Variants in ATP12A observed in about 807,000 individuals in gnomAD.
ATP12A encodes the protein potassium-transporting ATPase alpha chain 2.
A neutral mutation model predicts 111.2 loss-of-function variants in ATP12A; 81 were observed. The ratio of observed to expected loss-of-function variants is 0.73; its 90% CI spans 0.61 to 0.88. The LOEUF is 0.88. Among genes scored for constraint, ATP12A ranks in the 40% least tolerant of loss-of-function variants. ATP12A has a pLI of 0.00. For missense variants in ATP12A, 1,196 were observed against 1,313.1 expected, an observed-to-expected ratio of 0.91 and a Z score of 1.38; for synonymous variants, 498 against 499.8, an observed-to-expected ratio of 1.00 and a Z score of 0.05.
chr13:24,687,936 C>T (rs552912913), intron 3 of ATP12A, among the ~76,000 whole-genome samples: 1 of 152,158 alleles, frequency 6.6e-6, no homozygotes, highest in African/African-American at 2.4e-5. Flanking sequence ...TGGCTCTGGA[C>T]CCAGTCACCA....
chr13:24,707,530 G>A, intron 17 of ATP12A, 97 bp downstream of exon 17: 3 of 1,495,898 alleles, frequency 2.0e-6, no homozygotes, highest in Non-Finnish European at 2.7e-6. Context: ...ACTAACTCAA[G>A]GCTTCTCAGC....
chr13:24,708,933 G>GAAAGAA, intron 17 of ATP12A, among the ~76,000 whole-genome samples: 1 of 141,326 alleles, frequency 7.1e-6, no homozygotes, highest in South Asian at 2.3e-4. Context: ...AAGAAAGAAA[G>GAAAGAA]AAAGAAAGAA....
chr13:24,697,660 T>G (rs1342684483), intron 11 of ATP12A, among the ~76,000 whole-genome samples: 1 of 144,134 alleles, frequency 6.9e-6, no homozygotes, highest in African/African-American at 2.6e-5. Context: ...AAAAAAAAAT[T>G]TAAGAGAGAA....
At chr13:24,706,548 G>T (rs1221678482) in intron 15 of ATP12A, 85 bp downstream of exon 15, 2 of 1,520,568 alleles carry the variant, frequency 1.3e-6, no homozygotes, top group Non-Finnish European at 1.8e-6. Context: ...ACATCAGGCT[G>T]TGGTGCCTTT....
In ATP12A at chr13:24,682,400, T is replaced by TGTGCGC. The variant is rs1491158117; in HGVS notation, c.168+680_168+681insGTGCGC. 3.5e-4 allele frequency among the ~76,000 whole-genome samples: 53 copies of TGTGCGC among 149,926 alleles called. 6 individuals carry two copies. Among genetic ancestry groups the TGTGCGC allele is most frequent in the African/African-American group, 5.7e-4 (23 of 40,652 alleles). ...GTGTGTGTGTGGTGTGTGGTGTGTGTATGTGTGTGTGTGTGTTTTGAATGG... is the reference window on the plus strand; with the variant it reads ...GTGTGTGTGTGGTGTGTGGTGTGTGTGTGCGCATGTGTGTGTGTGTGTTTTGAATGG... On this transcript the variant is annotated intron_variant, in intron 2 of 22. Coordinates refer to ENST00000381946, the MANE Select transcript of ATP12A (RefSeq NM_001676.7).
intron 8 of ATP12A, among the ~76,000 whole-genome samples, chr13:24,691,826 A>G (rs980887530): frequency 2.6e-5 from 4 of 152,180 alleles, no homozygotes; most frequent in African/African-American, 9.7e-5. Flanking sequence ...TTTTGTGACT[A>G]CATGATCATT....
Position 24,707,444 on chromosome 13 carries a change from C to G in ATP12A, c.2493+11C>G, listed in dbSNP as rs746131899. ...TTGGGGACAGACATTGTAAGTGACA[C>G]TGAAGGGAACAGGCTGTGATGCCTG... On this transcript the variant is annotated intron_variant, in intron 17 of 22. Coordinates refer to ENST00000381946, the MANE Select transcript of ATP12A (RefSeq NM_001676.7). 6 of 1,614,126 alleles carry G rather than the reference C, an allele frequency of 3.7e-6. No homozygotes were observed. Among genetic ancestry groups the G allele is most frequent in the Non-Finnish European group, 2.5e-6 (3 of 1,180,002 alleles).
Position 24,698,726 on chromosome 13 carries a change from G to A in ATP12A, c.1581G>A (p.Glu527=), listed in dbSNP as rs1875271746. The A allele has an allele frequency of 1.9e-6, 3 of 1,613,964 alleles. No homozygotes were observed. Among genetic ancestry groups the A allele is most frequent in the South Asian group, 2.2e-5 (2 of 91,084 alleles). Residue 527 remains glutamate, a synonymous_variant, in exon 12 of 23, where the codon GAG becomes GAA. Coordinates refer to ENST00000381946, the MANE Select transcript of ATP12A (RefSeq NM_001676.7). ...TCATGGTGATGAAGGGGGCCCCTGA[G>A]CGCATCCTAGAGAAATGCAGCACCA... is the stretch of plus-strand genomic sequence containing the variant. The part of the protein sequence containing the change: ...RFLMVMKGAP[E]RILEKCSTIM...
Position 24,692,908 on chromosome 13 carries a change from G to A in ATP12A, c.1377+12G>A, listed in dbSNP as rs536811573. On this transcript the variant is annotated intron_variant, in intron 10 of 22. Transcript: ENST00000381946. ...TCCCCATCATGAAGGTAATGCTTCTGCAGCACTTGGTCTTAAATCACAGCC... is the reference window on the plus strand; with the variant it reads ...TCCCCATCATGAAGGTAATGCTTCTACAGCACTTGGTCTTAAATCACAGCC... The A allele has an allele frequency of 3.1e-6, 5 of 1,609,114 alleles. No individual in the cohort carries two copies. The African/African-American group carries it at 6.7e-5, about 21-fold the overall frequency.
At chr13:24,693,452 T>A (rs1349059197) in intron 10 of ATP12A, among the ~76,000 whole-genome samples, 5 of 152,196 alleles carry the variant, frequency 3.3e-5, no homozygotes, top group African/African-American at 1.2e-4. Context: ...CTCTTTTTCT[T>A]TCTTATTTTT....
Position 24,680,600 on chromosome 13 carries a change from C to A in ATP12A, c.-144C>A, listed in dbSNP as rs1874391764. 6 of 976,546 alleles carry A rather than the reference C, an allele frequency of 6.1e-6. No individual in the cohort carries two copies. The highest frequency in any genetic ancestry group is 4.4e-6 in the Non-Finnish European group (3 of 688,554). The allele number at this position is 976,546 out of a possible 1,614,324, so 60.5% of individuals were successfully genotyped here. A position where few individuals can be genotyped will look rare whatever the true frequency, so the allele number is the denominator to read the frequency against. On this transcript the variant is annotated 5_prime_UTR_variant, in exon 1 of 23. Transcript: ENST00000381946. Reference sequence around the variant, plus strand: ...ATCGGCCGCGGAGGTGCGTGCAGGGCCCGCGCCGCCGCCGGTATCTCCACC... The same window carrying A: ...ATCGGCCGCGGAGGTGCGTGCAGGGACCGCGCCGCCGCCGGTATCTCCACC...
chr13:24,701,182 C>T (rs963844277), intron 13 of ATP12A, among the ~76,000 whole-genome samples: 8 of 152,102 alleles, frequency 5.3e-5, no homozygotes, highest in Non-Finnish European at 7.4e-5. Context: ...CCATATCTCG[C>T]CCTAGTCCAT....
chr13:24,686,737 G>A (rs1874686169), intron 3 of ATP12A, among the ~76,000 whole-genome samples: 1 of 150,180 alleles, frequency 6.7e-6, no homozygotes, highest in Admixed American at 6.7e-5. Flanking sequence ...AGACTCTGTC[G>A]AAAGAAAAGA....
Position 24,691,116 on chromosome 13 carries a change from G to A in ATP12A, c.934G>A (p.Gly312Arg). 1.9e-6 allele frequency: 3 copies of A among 1,614,236 alleles called. No individual in the cohort carries two copies. The highest frequency in any genetic ancestry group is 2.5e-6 in the Non-Finnish European group (3 of 1,180,050). Residue 312 changes from glycine (G) to arginine (R), a missense_variant, in exon 8 of 23, where the codon GGA becomes AGA. Coordinates refer to ENST00000381946, the MANE Select transcript of ATP12A (RefSeq NM_001676.7). ...EIEHFVHIVA[G>R]VAVSIGILFF... ...CGAGCACTTTGTTCACATTGTGGCA[G>A]GAGTGGCTGTCTCCATCGGCATCCT... is the stretch of plus-strand genomic sequence containing the variant.
chr13:24,694,394 GTTGGTT>G, intron 10 of ATP12A, 44 bp from the exon 11 acceptor site: 1 of 1,608,960 alleles, frequency 6.2e-7, no homozygotes, highest in Non-Finnish European at 8.5e-7. Flanking sequence ...CTGAGGGCAT[GTTGGTT>G]CATTAAATAT....
rs558756043 is a variant in ATP12A, at chr13:24,694,420, A to G, written c.1378-24A>G. The stretch of plus-strand genomic sequence containing the variant: ...TTGGTTCATTAAATATGTGCTGCAA[A>G]TATTTTTCTTCTTTGATTCCCAGAA... On this transcript the variant is annotated intron_variant, in intron 10 of 22. Transcript: ENST00000381946. The G allele has an allele frequency of 2.7e-4, 440 of 1,611,816 alleles. 4 individuals carry two copies. In the South Asian group the frequency reaches 4.4e-3, roughly 16 times the overall value.
At chr13:24,682,570 G>A (rs1278555608) in intron 2 of ATP12A, among the ~76,000 whole-genome samples, 2 of 152,190 alleles carry the variant, frequency 1.3e-5, no homozygotes, top group Admixed American at 6.5e-5. Context: ...AGCTGCTTCA[G>A]TGAGAGTTAA....
Position 24,688,417 on chromosome 13 carries a change from G to A in ATP12A, c.327G>A (p.Lys109=). 1 of 1,614,174 alleles carries A rather than the reference G, an allele frequency of 6.2e-7. No individual in the cohort carries two copies. Among genetic ancestry groups the A allele is most frequent in the East Asian group, 2.2e-5 (1 of 44,876 alleles). ...CGCCTGAGATCGTCAAGTTCCTCAA[G>A]CAGATGGTGGGGGGGTTCTCTATCC... ...KQTPEIVKFL[K]QMVGGFSILL... is the part of the protein sequence containing the mutation. The change falls in exon 4 of 23, where the codon AAG becomes AAA. Residue 109 remains lysine, a synonymous_variant. Transcript: ENST00000381946.
chr13:24,680,762 G>T lies in ATP12A; in HGVS notation c.9+10G>T. 6.7e-7 allele frequency: 1 copy of T among 1,491,616 alleles called. No individual in the cohort carries two copies. Among genetic ancestry groups the T allele is most frequent in the South Asian group, 1.3e-5 (1 of 79,474 alleles). 92.4% of individuals were successfully genotyped at this position (1,491,616 alleles called of 1,614,324 possible). The stretch of plus-strand genomic sequence containing the variant: ...GCCCAGCATGCACCAGGTGCGTGCA[G>T]CCCCCGCGCCGGCCGAGGATGCGAG... On this transcript the variant is annotated intron_variant, in intron 1 of 22. Coordinates refer to ENST00000381946, the MANE Select transcript of ATP12A (RefSeq NM_001676.7).
Sources: allele counts gnomAD v4.1 joint callset (sites outside exome capture counted in the v4.1 genomes callset), GRCh38; gene constraint gnomAD v4.1.1; transcripts MANE v1.5; gene names NCBI Gene and HGNC (gene_info 2026-07-23, HGNC 2026-07-21).